Variants in MSH4 observed in about 807,000 individuals in gnomAD.
The protein encoded by MSH4 is mutS homolog 4.
A neutral mutation model predicts 113.7 loss-of-function variants in MSH4; 106 were observed. The ratio of observed to expected loss-of-function variants is 0.93; its 90% CI spans 0.80 to 1.10. MSH4 has a LOEUF of 1.10. Among genes scored for constraint, MSH4 ranks in the 50% least tolerant of loss-of-function variants. The pLI, the probability that MSH4 is intolerant of heterozygous loss-of-function variation, is 0.00. For missense variants in MSH4, 1,061 were observed against 1,093.7 expected (o/e 0.97, Z 0.42); for synonymous variants, 368 against 380.2 (o/e 0.97, Z 0.37).
At chr1:75,832,487 G>T (rs1471396722) in intron 7 of MSH4, among the ~76,000 whole-genome samples, 1 of 152,100 alleles carries the variant, frequency 6.6e-6, no homozygotes. Context: ...AATAAAAAAA[G>T]AGAATTTTAG....
At chr1:75,801,560 C>T (rs1327279610) in intron 1 of MSH4, among the ~76,000 whole-genome samples, 2 of 139,662 alleles carry the variant, frequency 1.4e-5, no homozygotes, top group Admixed American at 7.3e-5. Flanking sequence ...AAGAGTGAAA[C>T]TCCATCTCAA....
At chr1:75,801,722 T>C (rs2100500452) in intron 1 of MSH4, among the ~76,000 whole-genome samples, 1 of 146,530 alleles carries the variant, frequency 6.8e-6, no homozygotes, top group South Asian at 2.2e-4. Context: ...AAAAAAAAAT[T>C]AGCTGTGTGT....
intron 1 of MSH4, among the ~76,000 whole-genome samples, chr1:75,798,549 C>T (rs1444028332): frequency 7.0e-6 from 1 of 142,060 alleles, no homozygotes; most frequent in Non-Finnish European, 1.5e-5. Flanking sequence ...TAATTAAATT[C>T]CTCTCTGCAC....
intron 9 of MSH4, among the ~76,000 whole-genome samples, chr1:75,876,294 G>A (rs187632782): frequency 6.6e-6 from 1 of 152,008 alleles, no homozygotes; most frequent in Non-Finnish European, 1.5e-5. Context: ...GACAATAGTA[G>A]ATTTAATTTT....
intron 4 of MSH4, among the ~76,000 whole-genome samples, chr1:75,813,762 G>T (rs1650237493): frequency 6.6e-6 from 1 of 151,984 alleles, no homozygotes. Flanking sequence ...TGTAGTCCCA[G>T]GTACTTGGGA....
chr1:75,877,723 C>T (rs527272664), intron 10 of MSH4, among the ~76,000 whole-genome samples: 2 of 152,132 alleles, frequency 1.3e-5, no homozygotes, highest in African/African-American at 2.4e-5. Context: ...TTGCCTCTAC[C>T]GAAGGCAGGG....
intron 8 of MSH4, among the ~76,000 whole-genome samples, chr1:75,861,758 T>C (rs577920027): frequency 1.3e-5 from 2 of 152,322 alleles, no homozygotes; most frequent in East Asian, 3.9e-4. Flanking sequence ...TCTCTGTTAT[T>C]GGGGCTCAAA....
intron 7 of MSH4, among the ~76,000 whole-genome samples, chr1:75,832,307 C>T (rs113693244): frequency 0.013 from 2,011 of 152,042 alleles, 43 homozygotes; most frequent in African/African-American, 0.045. Context: ...GCCTACCAAC[C>T]AAAAAAGTCC....
chr1:75,854,013 G>GTATATATATATATATATATA lies in MSH4; in HGVS notation c.1230+5752_1230+5753insATATATATATATATATATAT, dbSNP rs59347058. Among the ~76,000 whole-genome samples the GTATATATATATATATATATA allele has an allele frequency of 8.1e-3, 948 of 116,764 alleles. 29 individuals are homozygous for GTATATATATATATATATATA. Among genetic ancestry groups the GTATATATATATATATATATA allele is most frequent in the South Asian group, 0.035 (88 of 2,514 alleles). The allele number at this position is 116,764 out of a possible 152,430, so 76.6% of individuals were successfully genotyped here. On this transcript the variant is annotated intron_variant, in intron 8 of 19. Coordinates refer to ENST00000263187, the MANE Select transcript of MSH4 (RefSeq NM_002440.4). Reference sequence around the variant, plus strand: ...ATGGCTAGGGCATAAGTGTGTGTGTGTATATATATATATATGCATAAATAT... The same window carrying GTATATATATATATATATATA: ...ATGGCTAGGGCATAAGTGTGTGTGTGTATATATATATATATATATATATATATATATATATGCATAAATAT...
In MSH4 at chr1:75,878,141, AAT is replaced by A; in HGVS notation, c.1371-5_1371-4del. On this transcript the variant is annotated splice_region_variant and splice_polypyrimidine_tract_variant and intron_variant, in intron 10 of 19. Coordinates refer to ENST00000263187, the MANE Select transcript of MSH4 (RefSeq NM_002440.4). ...CCTATAATGTTTTTCTTTTGGCCTT[AAT>A]ATTAGGTTTGGAATCATACTTGAAA... The A allele has an allele frequency of 6.5e-7, 1 of 1,550,254 alleles. No individual in the cohort carries two copies. The highest frequency in any genetic ancestry group is 8.7e-7 in the Non-Finnish European group (1 of 1,149,200).
At chr1:75,870,932 A>G (rs1651699962) in intron 9 of MSH4, among the ~76,000 whole-genome samples, 1 of 152,244 alleles carries the variant, frequency 6.6e-6, no homozygotes, top group Non-Finnish European at 1.5e-5. Flanking sequence ...TGGTATGTCA[A>G]AAGCAAAGTA....
intron 10 of MSH4, 74 bp downstream of exon 10, chr1:75,877,074 C>A: frequency 1.0e-6 from 1 of 971,360 alleles, no homozygotes; most frequent in South Asian, 1.9e-5. Context: ...TTTAAAGACT[C>A]TAATTGTATT....
At chr1:75,898,810 A>AG (rs1341562175) in intron 18 of MSH4, among the ~76,000 whole-genome samples, 1 of 152,172 alleles carries the variant, frequency 6.6e-6, no homozygotes, top group Non-Finnish European at 1.5e-5. Flanking sequence ...TGACCCTTTG[A>AG]GGGAAAAAAA....
rs549628955 is a variant in MSH4, at chr1:75,912,410, CT to C, written c.2620-285del. ...TCGGTATTATGTTGAGAAATCTGAC[CT>C]ATTTAGCATAATTTTTTTCATTGAA... On this transcript the variant is annotated intron_variant, in intron 19 of 19. Coordinates refer to ENST00000263187, the MANE Select transcript of MSH4 (RefSeq NM_002440.4). Among the ~76,000 whole-genome samples, 238 of 152,124 alleles carry C rather than the reference CT, an allele frequency of 1.6e-3. 2 individuals carry two copies. The highest frequency in any genetic ancestry group is 5.6e-3 in the African/African-American group (231 of 41,520).
intron 7 of MSH4, among the ~76,000 whole-genome samples, chr1:75,825,801 C>T (rs1057246789): frequency 6.6e-6 from 1 of 152,120 alleles, no homozygotes; most frequent in African/African-American, 2.4e-5. Context: ...GCCTTCCATC[C>T]CAGGGATAAA....
At chr1:75,904,439 A>G (rs1050520982) in intron 19 of MSH4, among the ~76,000 whole-genome samples, 1 of 152,122 alleles carries the variant, frequency 6.6e-6, no homozygotes, top group Non-Finnish European at 1.5e-5. Context: ...TAGACTTGCT[A>G]TTCATTCTTC....
chr1:75,881,347 A>C lies in MSH4; in HGVS notation c.1883A>C (p.His628Pro), dbSNP rs568766405. ...SMLDMLLSFA[H>P]ACTLSDYVRP... is the part of the protein sequence containing the mutation. ...CTGGATATGCTACTGTCATTTGCTC[A>C]TGCCTGCACTCTTTCTGACTATGGT... Residue 628 changes from histidine (H) to proline (P), a missense_variant, in exon 14 of 20, where the codon CAT becomes CCT. Transcript: ENST00000263187. 1 of 1,611,722 alleles carries C rather than the reference A, an allele frequency of 6.2e-7. No individual in the cohort carries two copies. Among genetic ancestry groups the C allele is most frequent in the African/African-American group, 1.3e-5 (1 of 74,840 alleles).
chr1:75,893,860 CAA>C (rs1462587046), intron 17 of MSH4, among the ~76,000 whole-genome samples: 1 of 152,082 alleles, frequency 6.6e-6, no homozygotes, highest in Non-Finnish European at 1.5e-5. Flanking sequence ...TGTTGCAACT[CAA>C]AGAGTTAGAA....
At chr1:75,912,570 A>T in intron 19 of MSH4, 126 bp from the exon 20 acceptor site, 1 of 473,708 alleles carries the variant, frequency 2.1e-6, no homozygotes, top group Non-Finnish European at 3.5e-6. Context: ...ATTTGTTCAA[A>T]GGAATTAGTT....
Sources: allele counts gnomAD v4.1 joint callset (sites outside exome capture counted in the v4.1 genomes callset), GRCh38; gene constraint gnomAD v4.1.1; transcripts MANE v1.5; gene names NCBI Gene and HGNC (gene_info 2026-07-23, HGNC 2026-07-21).